Variants in PCDH9 observed in about 807,000 individuals in gnomAD.
PCDH9 encodes protocadherin 9.
In PCDH9, 24 loss-of-function variants were observed where a neutral mutation model predicts 70.6. The observed-to-expected ratio is 0.34, with a 90% CI of 0.25 to 0.48. PCDH9 has a LOEUF of 0.48. Among genes scored for constraint, PCDH9 ranks in the 20% least tolerant of loss-of-function variants. The pLI is 0.99. For synonymous variants in PCDH9, 562 were observed against 558.5 expected (o/e 1.01, Z -0.09); for missense variants, 1,281 against 1,503.6 (o/e 0.85, Z 2.45).
chr13:67,138,822 T>C (rs1052090373), intron 2 of PCDH9, among the ~76,000 whole-genome samples: 1 of 152,230 alleles, frequency 6.6e-6, no homozygotes, highest in East Asian at 1.9e-4. Context: ...TGCTAATATG[T>C]TAATATATTA....
chr13:66,867,670 T>A (rs1394529874), intron 3 of PCDH9, among the ~76,000 whole-genome samples: 2 of 152,096 alleles, frequency 1.3e-5, no homozygotes, highest in East Asian at 1.9e-4. Context: ...TAACCTATCA[T>A]CTTTCTTTGA....
At chr13:66,960,504 G>A (rs1259706345) in intron 2 of PCDH9, among the ~76,000 whole-genome samples, 1 of 152,116 alleles carries the variant, frequency 6.6e-6, no homozygotes, top group Non-Finnish European at 1.5e-5. Flanking sequence ...TTGATGGAAG[G>A]AGTTGTTCTT....
chr13:66,486,312 G>A lies in PCDH9; in HGVS notation c.3340+144898C>T, dbSNP rs760745793. 5.3e-5 allele frequency among the ~76,000 whole-genome samples: 8 copies of A among 152,048 alleles called. No individual in the cohort carries two copies. The South Asian group carries it at 6.2e-4, about 12-fold the overall frequency. On this transcript the variant is annotated intron_variant, in intron 4 of 4. Coordinates refer to ENST00000377865, the MANE Select transcript of PCDH9 (RefSeq NM_203487.3). ...AGAACAATTAGCTAGGCATGGTAGC[G>A]CACATCTGTAGTCCCAGCTCCTGGG... is the stretch of plus-strand genomic sequence containing the variant.
chr13:66,878,166 A>G (rs889317363), intron 3 of PCDH9, among the ~76,000 whole-genome samples: 1 of 152,056 alleles, frequency 6.6e-6, no homozygotes, highest in African/African-American at 2.4e-5. Flanking sequence ...CAATTCATGA[A>G]GAGGTTAAAT....
intron 3 of PCDH9, among the ~76,000 whole-genome samples, chr13:66,779,815 A>ATCTC (rs1225450927): frequency 0.029 from 2,953 of 100,782 alleles, 80 homozygotes; most frequent in East Asian, 0.062. Context: ...GCGAGACTCC[A>ATCTC]TCTCTCTCTC....
chr13:66,971,220 A>C (rs996943332), intron 2 of PCDH9, among the ~76,000 whole-genome samples: 14 of 152,106 alleles, frequency 9.2e-5, no homozygotes, highest in African/African-American at 2.9e-4. Context: ...TTCATAGATT[A>C]CAATAATGTA....
intron 2 of PCDH9, among the ~76,000 whole-genome samples, chr13:66,946,413 T>C (rs913674714): frequency 3.3e-5 from 5 of 152,120 alleles, no homozygotes; most frequent in African/African-American, 1.2e-4. Flanking sequence ...CTTATGCTTG[T>C]AATCCCAACA....
At chr13:67,056,730 T>C (rs1016034325) in intron 2 of PCDH9, among the ~76,000 whole-genome samples, 50 of 152,106 alleles carry the variant, frequency 3.3e-4, no homozygotes, top group African/African-American at 1.2e-3. Context: ...GACAATAATA[T>C]GGGATAATAT....
chr13:66,704,026 C>T (rs1425455388), intron 3 of PCDH9, among the ~76,000 whole-genome samples: 4 of 152,122 alleles, frequency 2.6e-5, no homozygotes, highest in East Asian at 3.8e-4. Context: ...ATACATGCCG[C>T]GTGGTTCATT....
chr13:66,574,158 T>G (rs1330731480), intron 4 of PCDH9, among the ~76,000 whole-genome samples: 1 of 152,238 alleles, frequency 6.6e-6, no homozygotes, highest in Non-Finnish European at 1.5e-5. Context: ...AACACATTCT[T>G]AGTTGAGCCA....
At chr13:66,965,027 T>C (rs2083409077) in intron 2 of PCDH9, among the ~76,000 whole-genome samples, 1 of 151,996 alleles carries the variant, frequency 6.6e-6, no homozygotes, top group Non-Finnish European at 1.5e-5. Flanking sequence ...ACATTTCTTT[T>C]TAGAAATGAA....
At position 67,036,443 on chromosome 13, in the gene PCDH9, G is replaced by A. The variant is rs2085011274; in HGVS notation, c.3037-132838C>T. ...CTGTCTTCAGCTTCAGGTCTCAGTGGCATTCTTTGATTAATATCAGCTTTC... is the reference window on the plus strand; with the variant it reads ...CTGTCTTCAGCTTCAGGTCTCAGTGACATTCTTTGATTAATATCAGCTTTC... On this transcript the variant is annotated intron_variant, in intron 2 of 4. Coordinates refer to ENST00000377865, the MANE Select transcript of PCDH9 (RefSeq NM_203487.3). Among the ~76,000 whole-genome samples, 3 of 152,144 alleles carry A rather than the reference G, an allele frequency of 2.0e-5. No individual in the cohort carries two copies. In the South Asian group the frequency reaches 6.2e-4, roughly 32 times the overall value.
chr13:66,334,990 T>C (rs1022576682), intron 4 of PCDH9, among the ~76,000 whole-genome samples: 2 of 152,100 alleles, frequency 1.3e-5, no homozygotes, highest in Admixed American at 6.6e-5. Flanking sequence ...CAATAGGTGA[T>C]GAAAGAAAAC....
At chr13:67,170,363 C>T (rs868409841) in intron 2 of PCDH9, among the ~76,000 whole-genome samples, 21 of 152,054 alleles carry the variant, frequency 1.4e-4, no homozygotes, top group African/African-American at 4.8e-4. Context: ...AAATACATTT[C>T]GCATAAAGTT....
chr13:67,071,733 T>C lies in PCDH9; in HGVS notation c.3036+153672A>G, dbSNP rs1385506832. Among the ~76,000 whole-genome samples, 3 of 151,278 alleles carry C rather than the reference T, an allele frequency of 2.0e-5. No homozygotes were observed. In the South Asian group the frequency reaches 6.3e-4, roughly 32 times the overall value. ...GGGGAAACCCAATCTCTACTAAAAA[T>C]AAAAAATTAGCTGGGAGTGGTGGTG... is the stretch of plus-strand genomic sequence containing the variant. On this transcript the variant is annotated intron_variant, in intron 2 of 4. Coordinates refer to ENST00000377865, the MANE Select transcript of PCDH9 (RefSeq NM_203487.3).
At chr13:66,489,971 TA>T (rs1277317326) in intron 4 of PCDH9, among the ~76,000 whole-genome samples, 1 of 152,146 alleles carries the variant, frequency 6.6e-6, no homozygotes, top group Non-Finnish European at 1.5e-5. Flanking sequence ...ACACAAGCAG[TA>T]GGTAGAAATA....
At chr13:66,608,958 G>T (rs1401274223) in intron 4 of PCDH9, among the ~76,000 whole-genome samples, 1 of 152,086 alleles carries the variant, frequency 6.6e-6, no homozygotes, top group Non-Finnish European at 1.5e-5. Context: ...GACCTCACAC[G>T]GTCTCCTTTA....
chr13:66,416,419 T>C (rs954217388), intron 4 of PCDH9, among the ~76,000 whole-genome samples: 1 of 152,114 alleles, frequency 6.6e-6, no homozygotes, highest in Non-Finnish European at 1.5e-5. Flanking sequence ...GCCGACCATA[T>C]GGGCAGTAGA....
chr13:66,600,522 TC>T (rs1440450071), intron 4 of PCDH9, among the ~76,000 whole-genome samples: 5 of 151,938 alleles, frequency 3.3e-5, no homozygotes, highest in African/African-American at 1.2e-4. Flanking sequence ...ATAATTTTTT[TC>T]CCTAACATTT....
Sources: gnomAD v4.1 joint callset for allele counts (sites outside exome capture counted in the v4.1 genomes callset) on GRCh38, gnomAD v4.1.1 for gene constraint, MANE v1.5 for transcripts, NCBI Gene and HGNC (gene_info 2026-07-23, HGNC 2026-07-21) for gene names.